Variants in FSD1 observed in about 807,000 individuals in gnomAD.
FSD1 encodes the protein fibronectin type III and SPRY domain containing 1, also known as fibronectin type III and SPRY domain-containing protein 1.
A neutral mutation model predicts 58.2 loss-of-function variants in FSD1; 23 were observed. The ratio of observed to expected loss-of-function variants is 0.40; its 90% CI spans 0.28 to 0.56. The LOEUF is 0.56. Ranked by LOEUF, FSD1 falls within the 20% of genes least tolerant of loss-of-function variation. The pLI is 0.54. For synonymous variants in FSD1, 265 were observed against 263.4 expected (o/e 1.01, Z -0.06); for missense variants, 563 against 670.8 (o/e 0.84, Z 1.78).
At chr19:4,316,252 C>T (rs755774832) in intron 7 of FSD1, among the ~76,000 whole-genome samples, 1 of 151,958 alleles carries the variant, frequency 6.6e-6, no homozygotes, top group Non-Finnish European at 1.5e-5. Flanking sequence ...GTCAGAGTTT[C>T]GCTCTGTCAC....
chr19:4,322,992 C>G lies in FSD1; in HGVS notation c.1046C>G (p.Thr349Arg). ...TAESYTVLGD[T>R]LIDGGEHYWE... Reference sequence around the variant, plus strand: ...CTCCTGCCCTGCGCCACAGGGGACACGCTGATCGACGGCGGGGAGCATTAC... The same window carrying G: ...CTCCTGCCCTGCGCCACAGGGGACAGGCTGATCGACGGCGGGGAGCATTAC... The change falls in exon 11 of 13, where the codon ACG becomes AGG. Residue 349 changes from threonine to arginine, a missense_variant. Thr to Arg is a moderately conservative substitution (Grantham distance 71, BLOSUM62 -1). Coordinates refer to ENST00000221856, the MANE Select transcript of FSD1 (RefSeq NM_024333.3). The G allele has an allele frequency of 6.2e-7, 1 of 1,610,118 alleles. No individual in the cohort carries two copies. Among genetic ancestry groups the G allele is most frequent in the Non-Finnish European group, 8.5e-7 (1 of 1,178,616 alleles).
At chr19:4,318,231 C>T (rs1175124109) in intron 8 of FSD1, 115 bp from the exon 9 acceptor site, 33 of 1,389,922 alleles carry the variant, frequency 2.4e-5, no homozygotes, top group Admixed American at 3.8e-5. Flanking sequence ...CTCCTTGGCT[C>T]TTTGATTCTC....
chr19:4,317,344 A>G (rs1971766272), intron 8 of FSD1, 64 bp downstream of exon 8: 1 of 996,106 alleles, frequency 1.0e-6, no homozygotes, highest in African/African-American at 1.6e-5. Context: ...CAGCCCCCAG[A>G]GACCATGAGA....
chr19:4,316,894 G>GCA (rs1028947249), intron 7 of FSD1, among the ~76,000 whole-genome samples: 1 of 152,082 alleles, frequency 6.6e-6, no homozygotes, highest in Non-Finnish European at 1.5e-5. Flanking sequence ...GGGATTACAG[G>GCA]CACACACCAC....
chr19:4,321,211 G>A (rs1336379920), intron 10 of FSD1, among the ~76,000 whole-genome samples: 1 of 147,914 alleles, frequency 6.8e-6, no homozygotes, highest in Non-Finnish European at 1.5e-5. Context: ...TGCAGCCTGA[G>A]GAGTATCTGG....
chr19:4,322,540 G>T (rs1013954328), intron 10 of FSD1, among the ~76,000 whole-genome samples: 1 of 151,508 alleles, frequency 6.6e-6, no homozygotes, highest in Non-Finnish European at 1.5e-5. Flanking sequence ...GGAATAGCTG[G>T]GTCCGAAGGA....
At position 4,323,499 on chromosome 19, in the gene FSD1, T is replaced by TGTGGGGGGGGGGGG; in HGVS notation, c.1381-33_1381-32insTGGGGGGGGGGGGG. ...GGTGCTGGGCGCTGGGGTTTGAAGC[T>TGTGGGGGGGGGGGG]GAGCCCCTCCCCCCTCCCCCCGCTG... On this transcript the variant is annotated intron_variant, in intron 12 of 12. Coordinates refer to ENST00000221856, the MANE Select transcript of FSD1 (RefSeq NM_024333.3). The surrounding 1 kb of genome is among the most constrained non-coding windows in gnomAD (Gnocchi z 7.7). 1.3e-6 allele frequency: 2 copies of TGTGGGGGGGGGGGG among 1,577,826 alleles called. No individual in the cohort carries two copies. The highest frequency in any genetic ancestry group is 1.7e-6 in the Non-Finnish European group (2 of 1,148,730).
rs1394221410 is a variant in FSD1 at position 4,306,116 on chromosome 19, C to G, written c.111+75C>G. Reference sequence around the variant, plus strand: ...GGAGGGTGCAGCCTTAGGAACTGGCCCATTGCTGTTGATGCCTGTGGGAGG... The same window carrying G: ...GGAGGGTGCAGCCTTAGGAACTGGCGCATTGCTGTTGATGCCTGTGGGAGG... On this transcript the variant is annotated intron_variant, in intron 2 of 12. Transcript: ENST00000221856. 3 of 1,606,268 alleles carry G rather than the reference C, an allele frequency of 1.9e-6. No homozygotes were observed. The African/African-American group carries it at 4.0e-5, about 21-fold the overall frequency.
At chr19:4,308,018 T>C (rs777761579) in intron 4 of FSD1, 35 bp downstream of exon 4, 3 of 1,515,634 alleles carry the variant, frequency 2.0e-6, no homozygotes, top group Non-Finnish European at 1.8e-6. Flanking sequence ...TAAAGAACAG[T>C]GTGCCCAGTC....
intron 10 of FSD1, among the ~76,000 whole-genome samples, chr19:4,322,269 ATT>A (rs1971828296): frequency 7.7e-6 from 1 of 130,254 alleles, no homozygotes; most frequent in South Asian, 2.8e-4. Flanking sequence ...GTCCTCAATG[ATT>A]ATCTGGGGGG....
intron 7 of FSD1, among the ~76,000 whole-genome samples, chr19:4,315,422 C>G (rs1262443917): frequency 6.7e-6 from 1 of 149,948 alleles, no homozygotes; most frequent in Non-Finnish European, 1.5e-5. Context: ...CATTCTCCTG[C>G]CTCAGCCTCC....
rs1259771363 is a variant in FSD1 at position 4,312,065 on chromosome 19, G to A, written c.700+14G>A. 6.3e-7 allele frequency: 1 copy of A among 1,589,978 alleles called. No homozygotes were observed. The highest frequency in any genetic ancestry group is 8.5e-7 in the Non-Finnish European group (1 of 1,170,726). On this transcript the variant is annotated intron_variant, in intron 7 of 12. Transcript: ENST00000221856. ...ACACCCTGACAGGTAAGGGCAGTGT[G>A]TGCCAGCTCCGCCCAGCTGTGAACA...
intron 10 of FSD1, among the ~76,000 whole-genome samples, chr19:4,322,002 C>T (rs1266881896): frequency 2.1e-5 from 3 of 140,068 alleles, no homozygotes; most frequent in Non-Finnish European, 3.0e-5. Context: ...GGAGGAATAA[C>T]TTGGACCCCA....
chr19:4,314,753 G>A (rs1224724013), intron 7 of FSD1, among the ~76,000 whole-genome samples: 1 of 152,180 alleles, frequency 6.6e-6, no homozygotes, highest in Non-Finnish European at 1.5e-5. Flanking sequence ...TCCCAGTGCT[G>A]GGATGACAGG....
At position 4,318,407 on chromosome 19, in the gene FSD1, C is replaced by G. The variant is rs763117398; in HGVS notation, c.861C>G (p.Ser287=). The part of the protein sequence containing the change: ...SHQNLRVDDL[S]VEWDAMGGKV... ...AGAACCTGCGGGTGGATGATCTCTC[C>G]GTGGAGTGGGACGCTATGGGCGGGA... The change falls in exon 9 of 13, where the codon TCC becomes TCG. Residue 287 remains serine, a synonymous_variant. Transcript: ENST00000221856. 6.2e-7 allele frequency: 1 copy of G among 1,613,726 alleles called. No individual in the cohort carries two copies. The highest frequency in any genetic ancestry group is 1.1e-5 in the South Asian group (1 of 91,078).
chr19:4,316,530 A>T (rs59455844), intron 7 of FSD1, among the ~76,000 whole-genome samples: 1 of 151,692 alleles, frequency 6.6e-6, no homozygotes, highest in African/African-American at 2.4e-5. Context: ...CTAATTTTTT[A>T]TTTTTTATTA....
chr19:4,310,405 A>G, intron 5 of FSD1, 70 bp from the exon 6 acceptor site: 3 of 1,603,516 alleles, frequency 1.9e-6, no homozygotes, highest in African/African-American at 1.3e-5. Context: ...AGCCCTGGGG[A>G]GGGGCCCCCT....
chr19:4,320,209 G>A (rs959611749), intron 10 of FSD1, among the ~76,000 whole-genome samples: 3 of 152,100 alleles, frequency 2.0e-5, no homozygotes, highest in African/African-American at 4.8e-5. Context: ...TCCACGTGGA[G>A]TTGGGGTCTG....
In FSD1 at chr19:4,321,959, CGGG is replaced by C. The variant is rs578166784; in HGVS notation, c.1040-1023_1040-1021del. ...AGCTGGGTCCCCAAGAAGTATCTGGCGGGGGGATAGCTGGGATCCCGAGGAGTA... is the reference window on the plus strand; with the variant it reads ...AGCTGGGTCCCCAAGAAGTATCTGGCGGGATAGCTGGGATCCCGAGGAGTA... On this transcript the variant is annotated intron_variant, in intron 10 of 12. Transcript: ENST00000221856. Among the ~76,000 whole-genome samples, 40 of 82,832 alleles carry C rather than the reference CGGG, an allele frequency of 4.8e-4. No individual in the cohort carries two copies. In the East Asian group the frequency reaches 0.015, roughly 30 times the overall value. 54.3% of individuals were successfully genotyped at this position (82,832 alleles called of 152,430 possible).
Sources: gnomAD v4.1 joint callset for allele counts (sites outside exome capture counted in the v4.1 genomes callset) on GRCh38, gnomAD v4.1.1 for gene constraint, Gnocchi (gnomAD v3.1) non-coding constraint, MANE v1.5 for transcripts, NCBI Gene and HGNC (gene_info 2026-07-23, HGNC 2026-07-21) for gene names.